The following PRKAA1 variants were observed in gnomAD, a reference collection of about 807,000 sequenced individuals.
The protein encoded by PRKAA1 is protein kinase AMP-activated catalytic subunit alpha 1, also known as 5'-AMP-activated protein kinase catalytic subunit alpha-1.
PRKAA1 carries 23 observed loss-of-function variants against 56.9 expected under a neutral mutation model. The ratio of observed to expected loss-of-function variants is 0.40; its 90% CI spans 0.29 to 0.57. The LOEUF (loss-of-function observed/expected upper bound fraction) is 0.57, where lower values mean the gene tolerates loss of function less well. PRKAA1 is among the 20% of genes least tolerant of loss of function. The pLI, the probability that PRKAA1 is intolerant of heterozygous loss-of-function variation, is 0.39. For missense variants in PRKAA1, 413 were observed against 679.7 expected (o/e 0.61, Z 4.36); for synonymous variants, 226 against 227.0 (o/e 1.00, Z 0.04).
intron 1 of PRKAA1, among the ~76,000 whole-genome samples, chr5:40,781,590 T>C (rs893446983): frequency 2.0e-5 from 3 of 152,052 alleles, no homozygotes; most frequent in Admixed American, 2.0e-4. Flanking sequence ...CACTGGAAGA[T>C]GTAAGAAATT....
Position 40,777,481 on chromosome 5 carries a change from T to C in PRKAA1, c.233A>G (p.Asn78Ser). ...VVGKIRREIQ[N>S]LKLFRHPHII... is the part of the protein sequence containing the mutation. Reference sequence around the variant, plus strand: ...ATGAGGATGCCTGAAAAGCTTGAGGTTCTGAATTTCTCTGCGGATTTTTCC... The same window carrying C: ...ATGAGGATGCCTGAAAAGCTTGAGGCTCTGAATTTCTCTGCGGATTTTTCC... The change falls in exon 2 of 9, where the codon AAC (asparagine) becomes AGC (serine). Residue 78 changes from asparagine to serine, a missense_variant. Asn to Ser is a conservative substitution (Grantham distance 46). Around this residue, in one of 9 missense-constraint regions of PRKAA1, gnomAD observed 16 missense variants for 30.9 expected, o/e 0.52. Coordinates refer to ENST00000397128, the MANE Select transcript of PRKAA1 (RefSeq NM_006251.6). 1 of 1,613,640 alleles carries C rather than the reference T, an allele frequency of 6.2e-7. No homozygotes were observed. Among genetic ancestry groups the C allele is most frequent in the East Asian group, 2.2e-5 (1 of 44,882 alleles).
At position 40,798,226 on chromosome 5, in the gene PRKAA1, C is replaced by G. The variant is rs868468010; in HGVS notation, c.-37G>C. On this transcript the variant is annotated 5_prime_UTR_variant, in exon 1 of 9. Transcript: ENST00000397128. ...AGGGGGCGGAGGGGGCGGGCAGGGCCGCGCCGGGGGCGGGCGGGGAGGGGG... is the reference window on the plus strand; with the variant it reads ...AGGGGGCGGAGGGGGCGGGCAGGGCGGCGCCGGGGGCGGGCGGGGAGGGGG... 2 of 135,664 alleles carry G rather than the reference C, an allele frequency of 1.5e-5. No homozygotes were observed. Among genetic ancestry groups the G allele is most frequent in the Non-Finnish European group, 1.5e-5 (1 of 66,672 alleles). 8.4% of individuals were successfully genotyped at this position (135,664 alleles called of 1,614,324 possible).
At chr5:40,791,332 A>G (rs1744709215) in intron 1 of PRKAA1, among the ~76,000 whole-genome samples, 1 of 152,250 alleles carries the variant, frequency 6.6e-6, no homozygotes, top group Admixed American at 6.5e-5. Flanking sequence ...GAAACGGAAG[A>G]CAGATATTTT....
At chr5:40,785,819 A>G (rs930917704) in intron 1 of PRKAA1, among the ~76,000 whole-genome samples, 2 of 142,214 alleles carry the variant, frequency 1.4e-5, no homozygotes, top group Non-Finnish European at 3.0e-5. Context: ...CAAGAAGAGG[A>G]GAGCACACAC....
At chr5:40,774,879 G>A (rs763665369) in intron 3 of PRKAA1, 3 of 1,441,080 alleles carry the variant, frequency 2.1e-6, no homozygotes, top group East Asian at 2.3e-5. Context: ...TGTTCAAAAT[G>A]TCCTACAAAG....
In PRKAA1 at chr5:40,786,504, T is replaced by C. The variant is rs545339140; in HGVS notation, c.128-8918A>G. On this transcript the variant is annotated intron_variant, in intron 1 of 8. Coordinates refer to ENST00000397128, the MANE Select transcript of PRKAA1 (RefSeq NM_006251.6). ...CTAAAGAAGTACCAAACAGTAATCA[T>C]AGAGCTGAGGAATAGTATAACTGAA... 3.0e-4 allele frequency among the ~76,000 whole-genome samples: 45 copies of C among 151,894 alleles called. 1 individual carries two copies. The highest frequency in any genetic ancestry group is 5.0e-4 in the Non-Finnish European group (34 of 67,988).
chr5:40,786,668 T>C lies in PRKAA1; in HGVS notation c.128-9082A>G, dbSNP rs147243251. 8.4e-4 allele frequency among the ~76,000 whole-genome samples: 126 copies of C among 150,822 alleles called. 4 individuals carry two copies. The East Asian group carries it at 0.018, about 22-fold the overall frequency. On this transcript the variant is annotated intron_variant, in intron 1 of 8. Transcript: ENST00000397128. ...AAGAATGAAAAACAGTGGTCAGGCA[T>C]GGTGGCTCACGCCTGTAATCCCAGC... is the stretch of plus-strand genomic sequence containing the variant.
chr5:40,797,952 C>A, intron 1 of PRKAA1, 111 bp downstream of exon 1: 1 of 1,508,442 alleles, frequency 6.6e-7, no homozygotes, highest in Non-Finnish European at 8.9e-7. Flanking sequence ...CAGGGGCTGC[C>A]CAGCCCTGGA....
intron 4 of PRKAA1, among the ~76,000 whole-genome samples, chr5:40,770,338 C>T (rs1238969471): frequency 6.6e-6 from 1 of 152,060 alleles, no homozygotes; most frequent in Non-Finnish European, 1.5e-5. Context: ...TGGTGGCCCA[C>T]ATCTGTGGTC....
chr5:40,764,420 T>C (rs1004591859), intron 8 of PRKAA1, 94 bp downstream of exon 8: 8 of 1,220,872 alleles, frequency 6.6e-6, no homozygotes, highest in Non-Finnish European at 9.0e-6. Flanking sequence ...GTTGAATTAC[T>C]AGGAACAAGT....
intron 4 of PRKAA1, among the ~76,000 whole-genome samples, chr5:40,771,116 G>A (rs895719033): frequency 4.6e-5 from 7 of 151,922 alleles, no homozygotes; most frequent in African/African-American, 7.3e-5. Context: ...TGAACATACT[G>A]GAAATAAAGC....
At chr5:40,797,810 C>T (rs1334917764) in intron 1 of PRKAA1, among the ~76,000 whole-genome samples, 3 of 152,150 alleles carry the variant, frequency 2.0e-5, no homozygotes, top group Non-Finnish European at 4.4e-5. Flanking sequence ...GCCCCTCGTA[C>T]CTACCAGCCC....
At chr5:40,769,339 G>T in intron 5 of PRKAA1, 77 bp downstream of exon 5, 1 of 1,114,532 alleles carries the variant, frequency 9.0e-7, no homozygotes, top group South Asian at 1.4e-5. Context: ...AATTAAATAT[G>T]ACACTATAGA....
At chr5:40,793,785 C>T (rs1185117267) in intron 1 of PRKAA1, among the ~76,000 whole-genome samples, 1 of 152,052 alleles carries the variant, frequency 6.6e-6, no homozygotes, top group African/African-American at 2.4e-5. Context: ...ACCCTGTCCC[C>T]CCACACTATC....
intron 1 of PRKAA1, among the ~76,000 whole-genome samples, chr5:40,796,691 A>G (rs1331836361): frequency 6.6e-6 from 1 of 152,202 alleles, no homozygotes; most frequent in East Asian, 1.9e-4. Context: ...TGGGATATAC[A>G]ACAATTTTCC....
At chr5:40,774,311 A>T (rs2112026227) in intron 3 of PRKAA1, among the ~76,000 whole-genome samples, 1 of 152,322 alleles carries the variant, frequency 6.6e-6, no homozygotes, top group East Asian at 1.9e-4. Context: ...GACTTTTTTT[A>T]AAATGCCATC....
At chr5:40,792,374 G>T (rs773417018) in intron 1 of PRKAA1, among the ~76,000 whole-genome samples, 13 of 152,114 alleles carry the variant, frequency 8.5e-5, no homozygotes, top group Non-Finnish European at 1.8e-4. Flanking sequence ...CGAAAGTTTT[G>T]TATTAATATT....
At chr5:40,788,714 C>G (rs1210918295) in intron 1 of PRKAA1, among the ~76,000 whole-genome samples, 3 of 152,090 alleles carry the variant, frequency 2.0e-5, no homozygotes, top group Non-Finnish European at 2.9e-5. Context: ...GTAGTCCCAG[C>G]TACTCATGAG....
intron 1 of PRKAA1, among the ~76,000 whole-genome samples, chr5:40,785,590 C>G (rs995029420): frequency 2.0e-5 from 3 of 151,956 alleles, no homozygotes; most frequent in African/African-American, 7.2e-5. Context: ...AAAAGTTACT[C>G]AAAAACTAAG....
Sources: gnomAD v4.1 joint callset for allele counts (sites outside exome capture counted in the v4.1 genomes callset) on GRCh38, gnomAD v4.1.1 for gene constraint, gnomAD v4.1.1 regional missense constraint, MANE v1.5 for transcripts, NCBI Gene and HGNC (gene_info 2026-07-23, HGNC 2026-07-21) for gene names.